LNX1: variants seen among roughly 807,000 people sequenced by gnomAD.
LNX1 encodes ligand of numb-protein X 1, also known as E3 ubiquitin-protein ligase LNX.
LNX1 carries 54 observed loss-of-function variants against 68.4 expected under a neutral mutation model. That is an observed-to-expected ratio of 0.79 (90% CI 0.63 to 0.99). LNX1 has a LOEUF of 0.99. Ranked by LOEUF, LNX1 falls within the 50% of genes least tolerant of loss-of-function variation. The pLI is 0.00. For synonymous variants in LNX1, 336 were observed against 350.0 expected (o/e 0.96, Z 0.45); for missense variants, 906 against 926.4 (o/e 0.98, Z 0.29).
chr4:53,635,668 A>T (rs551768663), intron 1 of LNX1, among the ~76,000 whole-genome samples: 3 of 152,302 alleles, frequency 2.0e-5, no homozygotes, highest in African/African-American at 7.2e-5. Flanking sequence ...TATGCAACTC[A>T]TGAAAAACAA....
At chr4:53,599,127 C>A (rs1732883137) in intron 2 of LNX1, among the ~76,000 whole-genome samples, 1 of 152,182 alleles carries the variant, frequency 6.6e-6, no homozygotes, top group South Asian at 2.1e-4. Flanking sequence ...CAGGGCAATT[C>A]ATCTTGAATA....
intron 2 of LNX1, among the ~76,000 whole-genome samples, chr4:53,512,641 C>T (rs1726439133): frequency 6.6e-6 from 1 of 152,092 alleles, no homozygotes; most frequent in Non-Finnish European, 1.5e-5. Flanking sequence ...CCCATGAGAG[C>T]ACTAATGGCT....
intron 4 of LNX1, among the ~76,000 whole-genome samples, chr4:53,502,943 T>G (rs970681269): frequency 1.1e-4 from 17 of 152,114 alleles, no homozygotes; most frequent in Non-Finnish European, 2.5e-4. Flanking sequence ...TCTTTTTTTT[T>G]TTTTTTAGAT....
At chr4:53,577,565 C>G (rs1343549429) in intron 1 of LNX1, among the ~76,000 whole-genome samples, 1 of 152,100 alleles carries the variant, frequency 6.6e-6, no homozygotes, top group East Asian at 1.9e-4. Flanking sequence ...GCCCACTCCT[C>G]CAGCTCTGCC....
chr4:53,579,120 T>C (rs1186196521), intron 1 of LNX1: 1 of 242,870 alleles, frequency 4.1e-6, no homozygotes, highest in Non-Finnish European at 6.6e-6. Context: ...TTTGTGTCCA[T>C]ATAAATTTAC....
In LNX1 at chr4:53,460,324, A is replaced by AT. The variant is rs764042342; in HGVS notation, c.*582dup. 13 of 189,608 alleles carry AT rather than the reference A, an allele frequency of 6.9e-5. No homozygotes were observed. In the South Asian group the frequency reaches 7.8e-4, roughly 11 times the overall value. The allele number at this position is 189,608 out of a possible 1,614,324, so 11.7% of individuals were successfully genotyped here. A position where few individuals can be genotyped will look rare whatever the true frequency, so the allele number is the denominator to read the frequency against. ...ATTCTCTGAGCGAGCATTTTTAGGGATAAGCCTAGGAGGTATTCATCGGTG... is the reference window on the plus strand; with the variant it reads ...ATTCTCTGAGCGAGCATTTTTAGGGATTAAGCCTAGGAGGTATTCATCGGTG... On this transcript the variant is annotated 3_prime_UTR_variant, in exon 11 of 11. Coordinates refer to ENST00000263925, the MANE Select transcript of LNX1 (RefSeq NM_001126328.3).
chr4:53,537,542 C>A (rs1401771891), intron 2 of LNX1, among the ~76,000 whole-genome samples: 1 of 152,194 alleles, frequency 6.6e-6, no homozygotes, highest in Non-Finnish European at 1.5e-5. Context: ...AGAAAATGGA[C>A]ATTTTTTATG....
At chr4:53,525,599 C>T (rs1207522847) in intron 2 of LNX1, among the ~76,000 whole-genome samples, 4 of 152,184 alleles carry the variant, frequency 2.6e-5, no homozygotes, top group Non-Finnish European at 5.9e-5. Context: ...CCATCATCCC[C>T]CATAAAGAGA....
intron 1 of LNX1, among the ~76,000 whole-genome samples, chr4:53,583,159 A>G (rs1731941424): frequency 6.6e-6 from 1 of 152,246 alleles, no homozygotes; most frequent in Admixed American, 6.5e-5. Flanking sequence ...TCTTATGGCA[A>G]TTTTATAAAG....
intron 4 of LNX1, among the ~76,000 whole-genome samples, chr4:53,506,584 G>C (rs1353480706): frequency 6.6e-6 from 1 of 152,098 alleles, no homozygotes; most frequent in Non-Finnish European, 1.5e-5. Flanking sequence ...GCCAGGTGCG[G>C]TGGCTCATGC....
intron 2 of LNX1, among the ~76,000 whole-genome samples, chr4:53,570,095 A>G (rs71597849): frequency 0.56 from 83,381 of 147,780 alleles, 23,933 homozygotes; most frequent in Non-Finnish European, 0.63. Flanking sequence ...CCATTGTGGA[A>G]GTCAGTGTGG....
chr4:53,497,402 G>A (rs1040063465), intron 5 of LNX1, among the ~76,000 whole-genome samples: 7 of 152,214 alleles, frequency 4.6e-5, no homozygotes, highest in Admixed American at 6.5e-5. Context: ...CTTGGAATGG[G>A]CTTTACAAAG....
intron 2 of LNX1, among the ~76,000 whole-genome samples, chr4:53,531,586 T>A (rs1728026736): frequency 6.6e-6 from 1 of 152,242 alleles, no homozygotes; most frequent in Admixed American, 6.5e-5. Context: ...AGTTTTAAGT[T>A]CTTCCTGCTC....
At chr4:53,623,901 C>G (rs1442432515) in intron 1 of LNX1, among the ~76,000 whole-genome samples, 1 of 152,178 alleles carries the variant, frequency 6.6e-6, no homozygotes, top group African/African-American at 2.4e-5. Flanking sequence ...CACCTGAGCT[C>G]AAGTTCTAGG....
At chr4:53,542,069 CA>C (rs141014445) in intron 2 of LNX1, among the ~76,000 whole-genome samples, 1 of 152,138 alleles carries the variant, frequency 6.6e-6, no homozygotes, top group African/African-American at 2.4e-5. Flanking sequence ...ACCTTGCACT[CA>C]GGGGGATGTC....
At chr4:53,517,988 CCTTT>C (rs1220592470) in intron 2 of LNX1, among the ~76,000 whole-genome samples, 2 of 152,260 alleles carry the variant, frequency 1.3e-5, no homozygotes, top group East Asian at 3.9e-4. Context: ...CTCATTAGCC[CCTTT>C]CTTCTGCCTC....
chr4:53,648,801 T>C (rs1734984453), intron 1 of LNX1, among the ~76,000 whole-genome samples: 1 of 152,134 alleles, frequency 6.6e-6, no homozygotes, highest in African/African-American at 2.4e-5. Flanking sequence ...TGCCCTTCCA[T>C]CCCCCTGAAC....
intron 2 of LNX1, among the ~76,000 whole-genome samples, chr4:53,524,716 C>A (rs1398157): frequency 0.012 from 1,758 of 152,264 alleles, 38 homozygotes; most frequent in African/African-American, 0.04. Context: ...GGGAAATAAA[C>A]ATAGTTGAGC....
At chr4:53,561,529 C>T (rs958369463) in intron 2 of LNX1, among the ~76,000 whole-genome samples, 17 of 152,162 alleles carry the variant, frequency 1.1e-4, no homozygotes, top group Non-Finnish European at 1.6e-4. Context: ...CCTGGCCCTC[C>T]GTGTATTTTT....
Sources: gnomAD v4.1 joint callset for allele counts (sites outside exome capture counted in the v4.1 genomes callset) on GRCh38, gnomAD v4.1.1 for gene constraint, MANE v1.5 for transcripts, NCBI Gene and HGNC (gene_info 2026-07-23, HGNC 2026-07-21) for gene names.